Variants in CELF1 observed in about 807,000 individuals in gnomAD.
CELF1 encodes the protein CUGBP Elav-like family member 1.
A neutral mutation model predicts 61.8 loss-of-function variants in CELF1; 10 were observed. The ratio of observed to expected loss-of-function variants is 0.16; its 90% CI spans 0.10 to 0.27. The LOEUF is 0.27. Ranked by LOEUF, CELF1 falls within the 10% of genes least tolerant of loss-of-function variation. CELF1 has a pLI of 1.00. For synonymous variants in CELF1, 236 were observed against 225.1 expected (o/e 1.05, Z -0.43); for missense variants, 380 against 639.1 (o/e 0.59, Z 4.37).
In CELF1 at chr11:47,466,822, C is replaced by T. The variant is rs1201703355; in HGVS notation, c.*5408G>A. The T allele has an allele frequency of 6.6e-6, 1 of 152,222 alleles. No individual in the cohort carries two copies. The highest frequency in any genetic ancestry group is 6.5e-5 in the Admixed American group (1 of 15,286). 9.4% of individuals were successfully genotyped at this position (152,222 alleles called of 1,614,324 possible). On this transcript the variant is annotated 3_prime_UTR_variant, in exon 15 of 15. Transcript: ENST00000687097. Reference sequence around the variant, plus strand: ...CACAGGAAGGGGAGCCTCAGTGCCTCCTGCCAACAGAGGCGGCTCTGTGCA... The same window carrying T: ...CACAGGAAGGGGAGCCTCAGTGCCTTCTGCCAACAGAGGCGGCTCTGTGCA...
intron 1 of CELF1, among the ~76,000 whole-genome samples, chr11:47,537,222 T>G (rs2096650857): frequency 6.6e-6 from 1 of 151,106 alleles, no homozygotes; most frequent in Admixed American, 6.6e-5. Context: ...AGATCAGAGC[T>G]CCACAAGGTT....
intron 1 of CELF1, among the ~76,000 whole-genome samples, chr11:47,505,984 G>A (rs1391640537): frequency 6.6e-6 from 1 of 150,682 alleles, no homozygotes; most frequent in East Asian, 1.9e-4. Context: ...TTCAAGGAAG[G>A]TATTAGTACG....
upstream of CELF1, among the ~76,000 whole-genome samples, chr11:47,556,310 G>A (rs1182072200): frequency 6.6e-6 from 1 of 152,144 alleles, no homozygotes; most frequent in Non-Finnish European, 1.5e-5. Context: ...AGAACCTTGT[G>A]AGTAGCTGAG....
chr11:47,545,963 T>TGC (rs1387090854), intron 1 of CELF1, among the ~76,000 whole-genome samples: 41 of 149,874 alleles, frequency 2.7e-4, no homozygotes, highest in Non-Finnish European at 8.9e-5. Flanking sequence ...CAGGCTGGAG[T>TGC]GCAGTGGTGC....
chr11:47,545,873 G>C (rs1337532498), intron 1 of CELF1, among the ~76,000 whole-genome samples: 45 of 82,432 alleles, frequency 5.5e-4, no homozygotes, highest in African/African-American at 1.7e-3. Context: ...GTGTCTGCGT[G>C]TGTGTGTGTG....
intron 1 of CELF1, among the ~76,000 whole-genome samples, chr11:47,529,780 C>T (rs1422472072): frequency 6.6e-6 from 1 of 151,926 alleles, no homozygotes; most frequent in Non-Finnish European, 1.5e-5. Flanking sequence ...AAGATCACGC[C>T]ACTGCTCTCC....
At chr11:47,495,700 T>C (rs1222407505) in intron 3 of CELF1, among the ~76,000 whole-genome samples, 1 of 152,188 alleles carries the variant, frequency 6.6e-6, no homozygotes, top group Non-Finnish European at 1.5e-5. Context: ...ATACACTTTC[T>C]AGGTCTTCTA....
intron 1 of CELF1, among the ~76,000 whole-genome samples, chr11:47,509,872 C>T (rs1213186358): frequency 8.0e-6 from 1 of 124,374 alleles, no homozygotes; most frequent in Non-Finnish European, 1.7e-5. Flanking sequence ...ACTAAAAACA[C>T]AAAAATTAGC....
At chr11:47,548,461 A>T (rs1317940227) in intron 1 of CELF1, among the ~76,000 whole-genome samples, 1 of 152,226 alleles carries the variant, frequency 6.6e-6, no homozygotes, top group African/African-American at 2.4e-5. Context: ...ATGGGACTAT[A>T]TCGAACATGA....
At chr11:47,533,491 G>A (rs2153696495) in intron 1 of CELF1, among the ~76,000 whole-genome samples, 1 of 152,234 alleles carries the variant, frequency 6.6e-6, no homozygotes, top group Non-Finnish European at 1.5e-5. Context: ...GCATGGCAGT[G>A]TATGCCTGTA....
At chr11:47,540,704 T>C (rs986426715) in intron 1 of CELF1, among the ~76,000 whole-genome samples, 1 of 151,966 alleles carries the variant, frequency 6.6e-6, no homozygotes, top group Non-Finnish European at 1.5e-5. Flanking sequence ...GCCAAGATGG[T>C]GAAACCCCGT....
intron 1 of CELF1, among the ~76,000 whole-genome samples, chr11:47,509,528 T>C (rs1323552250): frequency 6.6e-6 from 1 of 152,060 alleles, no homozygotes; most frequent in Non-Finnish European, 1.5e-5. Context: ...CACTCCAGCT[T>C]AGGCCACACA....
At chr11:47,527,221 T>G (rs1452776012) in intron 1 of CELF1, among the ~76,000 whole-genome samples, 1 of 151,828 alleles carries the variant, frequency 6.6e-6, no homozygotes, top group Non-Finnish European at 1.5e-5. Flanking sequence ...AGACCTCATC[T>G]CTACAGAAAG....
intron 1 of CELF1, among the ~76,000 whole-genome samples, chr11:47,525,673 G>A (rs534854813): frequency 4.3e-4 from 65 of 152,232 alleles, no homozygotes; most frequent in African/African-American, 1.5e-3. Context: ...TAGTATCAGT[G>A]ACCTCCAATC....
At chr11:47,502,838 A>C (rs541592576) in intron 1 of CELF1, among the ~76,000 whole-genome samples, 18 of 152,130 alleles carry the variant, frequency 1.2e-4, no homozygotes, top group Non-Finnish European at 2.2e-4. Flanking sequence ...TCTCAAAAAA[A>C]AATCAGATAG....
chr11:47,535,907 C>A (rs1294200465), intron 1 of CELF1, among the ~76,000 whole-genome samples: 1 of 151,724 alleles, frequency 6.6e-6, no homozygotes, highest in African/African-American at 2.4e-5. Context: ...GGATTACAGG[C>A]GTGTGCCACC....
chr11:47,556,371 A>T (rs947710227), upstream of CELF1, among the ~76,000 whole-genome samples: 2 of 152,010 alleles, frequency 1.3e-5, no homozygotes, highest in Non-Finnish European at 2.9e-5. Context: ...TTTTGTAGAG[A>T]CAGGGGTCTC....
At chr11:47,521,563 C>T (rs1300509261) in intron 1 of CELF1, among the ~76,000 whole-genome samples, 1 of 152,206 alleles carries the variant, frequency 6.6e-6, no homozygotes, top group Admixed American at 6.5e-5. Flanking sequence ...TTTCTTCATG[C>T]ACAAAATGGT....
upstream of CELF1, chr11:47,553,202 G>A (rs898099113): frequency 2.6e-5 from 10 of 390,208 alleles, no homozygotes; most frequent in African/African-American, 1.7e-4. Flanking sequence ...AGCGCGGCGA[G>A]GGGGAACGTA....
Sources: allele counts gnomAD v4.1 joint callset (sites outside exome capture counted in the v4.1 genomes callset), GRCh38; gene constraint gnomAD v4.1.1; transcripts MANE v1.5; gene names NCBI Gene and HGNC (gene_info 2026-07-23, HGNC 2026-07-21).